The following CCDC15 variants were observed in gnomAD, a reference collection of about 807,000 sequenced individuals.
CCDC15 encodes coiled-coil domain containing 15, also known as coiled-coil domain-containing protein 15.
A neutral mutation model predicts 114.5 loss-of-function variants in CCDC15; 105 were observed. The observed-to-expected ratio is 0.92, with a 90% confidence interval of 0.78 to 1.08. The LOEUF is 1.08. CCDC15 is among the 50% of genes least tolerant of loss of function. The pLI is 0.00. For synonymous variants in CCDC15, 334 were observed against 377.8 expected, an observed-to-expected ratio of 0.88 and a Z score of 1.34; for missense variants, 1,105 against 1,093.6, an observed-to-expected ratio of 1.01 and a Z score of -0.15.
At chr11:125,021,933 A>G (rs1657936754) in intron 13 of CCDC15, among the ~76,000 whole-genome samples, 1 of 151,884 alleles carries the variant, frequency 6.6e-6, no homozygotes, top group African/African-American at 2.4e-5. Flanking sequence ...TATTCACAGG[A>G]AAATCTTTTA....
intron 6 of CCDC15, 42 bp from the exon 7 acceptor site, chr11:124,986,700 T>TTC: frequency 7.4e-7 from 1 of 1,351,590 alleles, no homozygotes; most frequent in Non-Finnish European, 9.9e-7. Flanking sequence ...TTTGTGTGTG[T>TTC]GCGCGCGCGC....
At position 124,987,489 on chromosome 11, in the gene CCDC15, G is replaced by A. The variant is rs140079192; in HGVS notation, c.1263G>A (p.Thr421=). 42 of 1,613,876 alleles carry A rather than the reference G, an allele frequency of 2.6e-5. 1 individual carries two copies. The East Asian group carries it at 3.8e-4, about 15-fold the overall frequency. The change falls in exon 8 of 16, where the codon ACG becomes ACA. Residue 421 remains threonine (T), a synonymous_variant. Coordinates refer to ENST00000344762, the MANE Select transcript of CCDC15 (RefSeq NM_025004.3). The part of the protein sequence containing the change: ...DFLPTNQALL[T]KNQDVLLKDH... ...TACCCACAAATCAGGCTCTTCTAAC[G>A]AAAAACCAGGATGTTTTACTCAAAG...
chr11:124,995,329 C>T (rs552454152), intron 11 of CCDC15, among the ~76,000 whole-genome samples: 2 of 152,060 alleles, frequency 1.3e-5, no homozygotes, highest in African/African-American at 4.8e-5. Flanking sequence ...TGTTTGTTGC[C>T]TTTTCAGTAC....
At chr11:124,960,201 T>A (rs1206625000) in intron 4 of CCDC15, among the ~76,000 whole-genome samples, 198 bp downstream of exon 4, 2 of 151,772 alleles carry the variant, frequency 1.3e-5, no homozygotes, top group Non-Finnish European at 2.9e-5. Context: ...AAATTTTAAA[T>A]TTAAATTCAT....
intron 11 of CCDC15, among the ~76,000 whole-genome samples, chr11:124,995,443 T>C (rs1948348822): frequency 6.6e-6 from 1 of 152,206 alleles, no homozygotes; most frequent in African/African-American, 2.4e-5. Context: ...CTGTTTTGTT[T>C]ACCATTGTAT....
chr11:125,030,947 G>A (rs957002762), intron 13 of CCDC15, among the ~76,000 whole-genome samples: 1 of 152,264 alleles, frequency 6.6e-6, no homozygotes, highest in Non-Finnish European at 1.5e-5. Context: ...ATCTTCACAG[G>A]TTTTTACCCC....
intron 2 of CCDC15, among the ~76,000 whole-genome samples, chr11:124,955,968 G>A (rs1226101926): frequency 6.6e-6 from 1 of 152,110 alleles, no homozygotes; most frequent in Non-Finnish European, 1.5e-5. Flanking sequence ...GATCGGAGAA[G>A]GGAAGGGAAT....
At chr11:124,968,587 A>T (rs1947824851) in intron 4 of CCDC15, among the ~76,000 whole-genome samples, 2 of 152,134 alleles carry the variant, frequency 1.3e-5, no homozygotes, top group South Asian at 4.2e-4. Context: ...TAGGAAAGGG[A>T]AATCCCCCGA....
chr11:125,010,549 C>T (rs1351203506), intron 13 of CCDC15, among the ~76,000 whole-genome samples: 1 of 151,994 alleles, frequency 6.6e-6, no homozygotes, highest in Non-Finnish European at 1.5e-5. Context: ...TTAGTAGAGA[C>T]AGGGTTTCAC....
chr11:125,001,295 T>C (rs1948477507), intron 11 of CCDC15, among the ~76,000 whole-genome samples: 1 of 152,254 alleles, frequency 6.6e-6, no homozygotes, highest in Non-Finnish European at 1.5e-5. Context: ...CACAGCTCTG[T>C]GCATGTCTGC....
intron 2 of CCDC15, among the ~76,000 whole-genome samples, chr11:124,957,263 G>C (rs1947568620): frequency 6.6e-6 from 1 of 152,208 alleles, no homozygotes; most frequent in Non-Finnish European, 1.5e-5. Flanking sequence ...CTATTGGCTG[G>C]AGCTAGACAA....
intron 6 of CCDC15, among the ~76,000 whole-genome samples, chr11:124,979,781 C>G (rs1421108473): frequency 1.3e-5 from 2 of 152,108 alleles, no homozygotes; most frequent in African/African-American, 4.8e-5. Context: ...CCTGATTGCT[C>G]TGGCTAGCAC....
chr11:124,998,737 CTTTT>C (rs35263582), intron 11 of CCDC15, among the ~76,000 whole-genome samples: 1 of 129,934 alleles, frequency 7.7e-6, no homozygotes, highest in Non-Finnish European at 1.6e-5. Flanking sequence ...AGAGTCTCTA[CTTTT>C]TTTTTTTTTT....
intron 4 of CCDC15, among the ~76,000 whole-genome samples, chr11:124,965,035 C>T (rs1947748035): frequency 6.6e-6 from 1 of 152,088 alleles, no homozygotes; most frequent in South Asian, 2.1e-4. Context: ...CTGCTGGATT[C>T]AGTTTGCCAG....
intron 4 of CCDC15, among the ~76,000 whole-genome samples, chr11:124,972,145 C>T (rs1423238098): frequency 6.6e-6 from 1 of 152,000 alleles, no homozygotes; most frequent in Admixed American, 6.6e-5. Context: ...TTCTATTTAT[C>T]TAATTATTTA....
intron 13 of CCDC15, among the ~76,000 whole-genome samples, chr11:125,007,429 G>A (rs1001040843): frequency 3.3e-5 from 5 of 152,068 alleles, no homozygotes; most frequent in Non-Finnish European, 7.4e-5. Context: ...TTTTATGGCC[G>A]AATAGTATTC....
intron 12 of CCDC15, among the ~76,000 whole-genome samples, chr11:125,004,336 C>G (rs1948526040): frequency 1.3e-5 from 2 of 151,704 alleles, no homozygotes; most frequent in Admixed American, 6.6e-5. Flanking sequence ...AGATGGGGAG[C>G]TTTTTTCAAA....
chr11:125,039,111 G>A (rs767596049), intron 15 of CCDC15, 42 bp downstream of exon 15: 3 of 1,514,376 alleles, frequency 2.0e-6, no homozygotes, highest in Non-Finnish European at 2.7e-6. Context: ...ATGGCAACAA[G>A]AAAAATAAAT....
At chr11:125,004,146 A>G (rs1397516578) in intron 12 of CCDC15, among the ~76,000 whole-genome samples, 187 bp downstream of exon 12, 3 of 152,062 alleles carry the variant, frequency 2.0e-5, no homozygotes, top group African/African-American at 7.2e-5. Context: ...CCTATGAGTT[A>G]GGGTACATTG....
Sources: gnomAD v4.1 joint callset for allele counts (sites outside exome capture counted in the v4.1 genomes callset) on GRCh38, gnomAD v4.1.1 for gene constraint, MANE v1.5 for transcripts, NCBI Gene and HGNC (gene_info 2026-07-23, HGNC 2026-07-21) for gene names.